Variants in RXRG observed in about 807,000 individuals in gnomAD.
RXRG encodes retinoid X receptor gamma.
Under a neutral mutation model 49.2 loss-of-function variants are expected in RXRG, and 19 were observed. The ratio of observed to expected loss-of-function variants is 0.39; its 90% CI spans 0.27 to 0.57. RXRG has a LOEUF of 0.57. Among genes scored for constraint, RXRG ranks in the 20% least tolerant of loss-of-function variants. RXRG has a pLI of 0.64. For synonymous variants in RXRG, 224 were observed against 216.6 expected, an observed-to-expected ratio of 1.03 and a Z score of -0.30; for missense variants, 452 against 592.5, an observed-to-expected ratio of 0.76 and a Z score of 2.46.
chr1:165,412,137 GC>G (rs1351579173), intron 4 of RXRG, among the ~76,000 whole-genome samples: 2 of 152,146 alleles, frequency 1.3e-5, no homozygotes, highest in Non-Finnish European at 2.9e-5. Context: ...GAGATAATGA[GC>G]CCCAGAGGCT....
intron 3 of RXRG, among the ~76,000 whole-genome samples, chr1:165,419,442 G>A (rs1370589751): frequency 6.6e-6 from 1 of 151,608 alleles, no homozygotes; most frequent in Non-Finnish European, 1.5e-5. Flanking sequence ...CTAGGCTGGA[G>A]TACAGTAGCG....
At chr1:165,427,116 A>G (rs771070605) in intron 2 of RXRG, among the ~76,000 whole-genome samples, 50 of 152,220 alleles carry the variant, frequency 3.3e-4, no homozygotes, top group Non-Finnish European at 6.8e-4. Flanking sequence ...ACACCCTCTC[A>G]GAAACACCCA....
At chr1:165,406,986 GC>G in intron 8 of RXRG, 69 bp from the exon 9 acceptor site, 1 of 1,149,588 alleles carries the variant, frequency 8.7e-7, no homozygotes, top group Non-Finnish European at 1.3e-6. Context: ...ATTCTCTCTG[GC>G]CACTCTCTGT....
In RXRG at chr1:165,441,211, A is replaced by G. The variant is rs562082259; in HGVS notation, c.49+3634T>C. ...AGTATGTACCCAAGGGAAGCCACCA[A>G]TTAATTCTGCAGAGATCACCGTTGC... On this transcript the variant is annotated intron_variant, in intron 1 of 9. Transcript: ENST00000359842. 5.4e-4 allele frequency among the ~76,000 whole-genome samples: 83 copies of G among 152,356 alleles called. No individual in the cohort carries two copies. The South Asian group carries it at 9.7e-3, about 18-fold the overall frequency.
At chr1:165,414,192 T>C (rs1013051696) in intron 4 of RXRG, among the ~76,000 whole-genome samples, 1 of 152,190 alleles carries the variant, frequency 6.6e-6, no homozygotes, top group Non-Finnish European at 1.5e-5. Context: ...TTCAGAAAGT[T>C]CCCTAAGAGC....
At chr1:165,409,502 C>T (rs1200665928) in intron 7 of RXRG, 56 bp downstream of exon 7, 94 of 1,331,392 alleles carry the variant, frequency 7.1e-5, no homozygotes, top group Admixed American at 2.7e-4. Flanking sequence ...TACACACACA[C>T]ACACACACAC....
At chr1:165,436,937 TATC>T (rs1571288693) in intron 1 of RXRG, 3 of 1,128,516 alleles carry the variant, frequency 2.7e-6, no homozygotes, top group Non-Finnish European at 2.2e-6. Flanking sequence ...AAAAGCCTGT[TATC>T]ATCTTTAATT....
chr1:165,409,552 A>G lies in RXRG; in HGVS notation c.1046+6T>C. 2 of 1,471,164 alleles carry G rather than the reference A, an allele frequency of 1.4e-6. No homozygotes were observed. The allele number at this position is 1,471,164 out of a possible 1,614,324, so 91.1% of individuals were successfully genotyped here. ...CACACAAATACTGGAAGCAGGAGAG[A>G]GACACCTGTCAAAGATGGAGCCGAC... On this transcript the variant is annotated splice_donor_region_variant and intron_variant, in intron 7 of 9. Coordinates refer to ENST00000359842, the MANE Select transcript of RXRG (RefSeq NM_006917.5).
chr1:165,437,764 T>C lies in RXRG; in HGVS notation c.49+7081A>G, dbSNP rs2162144. Among the ~76,000 whole-genome samples the C allele has an allele frequency of 8.4e-3, 1,274 of 152,268 alleles. 12 individuals are homozygous for C. Among genetic ancestry groups the C allele is most frequent in the African/African-American group, 0.029 (1,218 of 41,544 alleles). On this transcript the variant is annotated intron_variant, in intron 1 of 9. Coordinates refer to ENST00000359842, the MANE Select transcript of RXRG (RefSeq NM_006917.5). ...GTACATGATGTACCAGTATACGGAATTGGCTTAAAGGGACAGCCAGCCGGT... is the reference window on the plus strand; with the variant it reads ...GTACATGATGTACCAGTATACGGAACTGGCTTAAAGGGACAGCCAGCCGGT...
At chr1:165,437,372 T>C (rs1200056785) in intron 1 of RXRG, among the ~76,000 whole-genome samples, 1 of 152,234 alleles carries the variant, frequency 6.6e-6, no homozygotes, top group Non-Finnish European at 1.5e-5. Context: ...AGATTAATTA[T>C]TTCTGCACAT....
chr1:165,429,733 G>T (rs754982755), intron 1 of RXRG, among the ~76,000 whole-genome samples: 1 of 152,172 alleles, frequency 6.6e-6, no homozygotes, highest in African/African-American at 2.4e-5. Flanking sequence ...CCAGACTGCC[G>T]AGACCATTTC....
intron 4 of RXRG, among the ~76,000 whole-genome samples, chr1:165,413,314 C>T (rs1223534350): frequency 1.3e-5 from 2 of 152,170 alleles, no homozygotes; most frequent in Non-Finnish European, 2.9e-5. Context: ...TCATCCAACA[C>T]GTGTTTATTT....
intron 4 of RXRG, among the ~76,000 whole-genome samples, chr1:165,415,895 T>C (rs1658108055): frequency 6.6e-6 from 1 of 152,066 alleles, no homozygotes; most frequent in Non-Finnish European, 1.5e-5. Flanking sequence ...AGACCTGGGG[T>C]CAGTTCATTA....
chr1:165,432,634 A>G (rs1018313049), intron 1 of RXRG, among the ~76,000 whole-genome samples: 9 of 152,196 alleles, frequency 5.9e-5, no homozygotes, highest in Non-Finnish European at 1.5e-5. Context: ...ACCAAAAGGC[A>G]CCACAAGTTT....
chr1:165,416,118 C>T (rs1658118934), intron 4 of RXRG, among the ~76,000 whole-genome samples: 1 of 152,178 alleles, frequency 6.6e-6, no homozygotes, highest in Non-Finnish European at 1.5e-5. Flanking sequence ...AAGATGCCCT[C>T]TTCTCACAGA....
intron 1 of RXRG, among the ~76,000 whole-genome samples, chr1:165,439,699 C>T (rs1658922061): frequency 1.3e-5 from 2 of 152,258 alleles, no homozygotes; most frequent in Non-Finnish European, 2.9e-5. Context: ...TCCTTCCCAT[C>T]AGAAGAAAGC....
At chr1:165,444,637 G>A (rs568572269) in intron 1 of RXRG, among the ~76,000 whole-genome samples, 1 of 152,224 alleles carries the variant, frequency 6.6e-6, no homozygotes, top group Non-Finnish European at 1.5e-5. Flanking sequence ...ATATGCAAAC[G>A]TATCCTCACC....
chr1:165,418,132 A>T (rs1287368716), intron 3 of RXRG, among the ~76,000 whole-genome samples: 2 of 151,194 alleles, frequency 1.3e-5, no homozygotes, highest in African/African-American at 4.9e-5. Context: ...AAAAAAAAAA[A>T]AAAAAGAAGG....
chr1:165,429,033 G>A (rs1329553440), intron 1 of RXRG, 67 bp from the exon 2 acceptor site: 3 of 1,524,636 alleles, frequency 2.0e-6, no homozygotes, highest in East Asian at 2.3e-5. Context: ...GGGGACAGAG[G>A]CCTAGCCCCA....
Sources: allele counts gnomAD v4.1 joint callset (sites outside exome capture counted in the v4.1 genomes callset), GRCh38; gene constraint gnomAD v4.1.1; transcripts MANE v1.5; gene names NCBI Gene and HGNC (gene_info 2026-07-23, HGNC 2026-07-21).